ELSPBP1: variants seen among roughly 807,000 people sequenced by gnomAD.
The protein encoded by ELSPBP1 is epididymal sperm-binding protein 1.
ELSPBP1 carries 38 observed loss-of-function variants against 33.3 expected under a neutral mutation model. That is an observed-to-expected ratio of 1.14 (90% CI 0.88 to 1.50). The LOEUF (loss-of-function observed/expected upper bound fraction) is 1.50. Among genes scored for constraint, ELSPBP1 ranks in the 40% most tolerant of loss-of-function variants. ELSPBP1 has a pLI of 0.00. For synonymous variants in ELSPBP1, 85 were observed against 94.1 expected, an observed-to-expected ratio of 0.90 and a Z score of 0.56; for missense variants, 267 against 263.5, an observed-to-expected ratio of 1.01 and a Z score of -0.09.
chr19:48,008,312 A>G (rs1967042753), intron 1 of ELSPBP1, among the ~76,000 whole-genome samples: 1 of 152,154 alleles, frequency 6.6e-6, no homozygotes, highest in African/African-American at 2.4e-5. Context: ...AGCTCACTGC[A>G]GCCTTGACCT....
At chr19:48,012,584 G>A (rs1967090146) in intron 2 of ELSPBP1, among the ~76,000 whole-genome samples, 2 of 151,856 alleles carry the variant, frequency 1.3e-5, no homozygotes, top group Admixed American at 6.6e-5. Context: ...TTTATTTCAC[G>A]TGGCATTTTT....
At chr19:48,023,841 C>T (rs1003180564) in intron 6 of ELSPBP1, among the ~76,000 whole-genome samples, 1 of 151,188 alleles carries the variant, frequency 6.6e-6, no homozygotes, top group African/African-American at 2.4e-5. Flanking sequence ...TTTCTTTCTT[C>T]TTTCTTTATT....
chr19:48,015,114 C>T (rs957917108), intron 3 of ELSPBP1, among the ~76,000 whole-genome samples: 2 of 151,900 alleles, frequency 1.3e-5, no homozygotes, highest in African/African-American at 4.8e-5. Flanking sequence ...TATACCGTAT[C>T]TCATAATAAA....
intron 4 of ELSPBP1, among the ~76,000 whole-genome samples, chr19:48,018,632 T>C (rs954393988): frequency 6.6e-6 from 1 of 152,158 alleles, no homozygotes; most frequent in Admixed American, 6.6e-5. Context: ...ATTAGCCCAG[T>C]TTTACACATG....
Position 48,008,862 on chromosome 19 carries a change from G to A in ELSPBP1, c.70+125G>A, listed in dbSNP as rs542057285. The A allele has an allele frequency of 2.4e-4, 196 of 807,118 alleles. 1 individual carries two copies. The highest frequency in any genetic ancestry group is 1.8e-3 in the South Asian group (110 of 60,718). 50.0% of individuals were successfully genotyped at this position (807,118 alleles called of 1,614,324 possible). On this transcript the variant is annotated intron_variant, in intron 2 of 6. Transcript: ENST00000339841. ...GCAAAAATCTCAGAAGAAGCTGGGC[G>A]CGGTGGCTGACACCTGTAATCCCAG...
intron 6 of ELSPBP1, among the ~76,000 whole-genome samples, chr19:48,022,912 G>A (rs1310654506): frequency 6.6e-6 from 1 of 151,768 alleles, no homozygotes; most frequent in African/African-American, 2.4e-5. Context: ...TTAGTTGGGT[G>A]TGATAGCACA....
At chr19:47,996,247 G>A (rs1203618035) in intron 1 of ELSPBP1, among the ~76,000 whole-genome samples, 1 of 151,946 alleles carries the variant, frequency 6.6e-6, no homozygotes, top group East Asian at 1.9e-4. Flanking sequence ...GATGAGAAGT[G>A]GATGAATAAA....
rs373975913 is a variant in ELSPBP1 at position 48,012,898 on chromosome 19, A to G, written c.71-1273A>G. ...AAATAGGAAGTACGACCAAAAAGAA[A>G]TACTGTACTATGAAAACAAAATCCC... is the stretch of plus-strand genomic sequence containing the variant. On this transcript the variant is annotated intron_variant, in intron 2 of 6. Coordinates refer to ENST00000339841, the MANE Select transcript of ELSPBP1 (RefSeq NM_022142.5). 6.6e-4 allele frequency among the ~76,000 whole-genome samples: 100 copies of G among 152,360 alleles called. 3 individuals carry two copies. In the South Asian group the frequency reaches 0.019, roughly 29 times the overall value.
rs1467530776 is a variant in ELSPBP1 at position 48,019,816 on chromosome 19, C to T, written c.453C>T (p.Leu151=). 1.2e-6 allele frequency: 2 copies of T among 1,613,276 alleles called. No homozygotes were observed. The highest frequency in any genetic ancestry group is 1.1e-5 in the South Asian group (1 of 91,056). ...SDCMEDESNK[L]WCPTTENMDK... ...GCATGGAGGATGAAAGCAACAAGCT[C>T]TGGTGCCCAACCACAGAGAACATGG... The change falls in exon 5 of 7, where the codon CTC becomes CTT. Residue 151 remains leucine, a synonymous_variant. Transcript: ENST00000339841.
chr19:48,005,156 T>A (rs2122298283), intron 1 of ELSPBP1, among the ~76,000 whole-genome samples: 1 of 151,056 alleles, frequency 6.6e-6, no homozygotes, highest in East Asian at 1.9e-4. Context: ...TGAGCCATGA[T>A]GGCGCCACTG....
intron 1 of ELSPBP1, among the ~76,000 whole-genome samples, chr19:48,004,236 A>C (rs1966995357): frequency 6.6e-6 from 1 of 151,482 alleles, no homozygotes; most frequent in African/African-American, 2.4e-5. Flanking sequence ...GAGCCACCAC[A>C]CCTGGCCTTC....
Position 48,011,123 on chromosome 19 carries a change from G to A in ELSPBP1, c.70+2386G>A, listed in dbSNP as rs544982979. ...GACAATGACAATGATGATGGTGACA[G>A]TGATGATGATGACGATGATGATAAT... On this transcript the variant is annotated intron_variant, in intron 2 of 6. Transcript: ENST00000339841. This position sits in a 1 kb window ranked among gnomAD's most constrained non-coding sequence, Gnocchi z 4.5. Among the ~76,000 whole-genome samples, 25 of 151,872 alleles carry A rather than the reference G, an allele frequency of 1.6e-4. No homozygotes were observed. Among genetic ancestry groups the A allele is most frequent in the African/African-American group, 6.0e-4 (25 of 41,380 alleles).
chr19:48,008,981 C>G (rs150517997), intron 2 of ELSPBP1, among the ~76,000 whole-genome samples: 318 of 151,922 alleles, frequency 2.1e-3, no homozygotes, highest in African/African-American at 7.1e-3. Flanking sequence ...ACTAAAAATA[C>G]AAAAATTAGC....
At chr19:48,001,885 C>T (rs768650222) in intron 1 of ELSPBP1, among the ~76,000 whole-genome samples, 1 of 151,582 alleles carries the variant, frequency 6.6e-6, no homozygotes, top group Non-Finnish European at 1.5e-5. Context: ...TTTGTAGATA[C>T]GAGGTCTCAC....
At chr19:48,021,939 G>T (rs1410472700) in intron 5 of ELSPBP1, among the ~76,000 whole-genome samples, 1 of 152,040 alleles carries the variant, frequency 6.6e-6, no homozygotes, top group East Asian at 1.9e-4. Flanking sequence ...TAGGGACGGG[G>T]TTTCACTATG....
rs759334301 is a variant in ELSPBP1, at chr19:48,017,651, G to A, written c.355+1612G>A. Among the ~76,000 whole-genome samples the A allele has an allele frequency of 3.3e-5, 5 of 152,124 alleles. 1 individual carries two copies. Among genetic ancestry groups the A allele is most frequent in the Non-Finnish European group, 7.4e-5 (5 of 68,024 alleles). On this transcript the variant is annotated intron_variant, in intron 4 of 6. Transcript: ENST00000339841. ...CATGCCTGTAATCCCAAAAGGGATT[G>A]GGAGGCTGAGGCAGGAGAATTGCCT...
At chr19:48,006,218 C>T (rs1967015809) in intron 1 of ELSPBP1, among the ~76,000 whole-genome samples, 1 of 152,114 alleles carries the variant, frequency 6.6e-6, no homozygotes. Flanking sequence ...TCTTGGCCTC[C>T]CAAATCTGTC....
intron 1 of ELSPBP1, among the ~76,000 whole-genome samples, chr19:47,995,859 A>C (rs977261614): frequency 6.6e-6 from 1 of 152,192 alleles, no homozygotes; most frequent in South Asian, 2.1e-4. Context: ...GTAGGATTTG[A>C]ACCCTGGTTG....
At chr19:48,024,036 A>ATTTTTTTTTTTTTTTTTT (rs111833936) in intron 6 of ELSPBP1, among the ~76,000 whole-genome samples, 1 of 131,912 alleles carries the variant, frequency 7.6e-6, no homozygotes. Flanking sequence ...ATGCCCAGCA[A>ATTTTTTTTTTTTTTTTTT]TTTTTTTTTT....
Sources: allele counts gnomAD v4.1 joint callset (sites outside exome capture counted in the v4.1 genomes callset), GRCh38; gene constraint gnomAD v4.1.1; non-coding constraint Gnocchi (gnomAD v3.1); transcripts MANE v1.5; gene names NCBI Gene and HGNC (gene_info 2026-07-23, HGNC 2026-07-21).